The following LIFR variants were observed in gnomAD, a reference collection of about 807,000 sequenced individuals.
LIFR encodes leukemia inhibitory factor receptor.
Under a neutral mutation model 122.2 loss-of-function variants are expected in LIFR, and 84 were observed. The ratio of observed to expected loss-of-function variants is 0.69; its 90% CI spans 0.58 to 0.82. The LOEUF is 0.82. Among genes scored for constraint, LIFR ranks in the 40% least tolerant of loss-of-function variants. The probability of loss-of-function intolerance (pLI) is 0.00; values close to 1 mark genes in which losing one functional copy is unlikely to be tolerated. For synonymous variants in LIFR, 422 were observed against 434.7 expected (o/e 0.97, Z 0.36); for missense variants, 1,294 against 1,311.6 (o/e 0.99, Z 0.21).
intron 1 of LIFR, among the ~76,000 whole-genome samples, chr5:38,588,298 G>A (rs529607545): frequency 1.3e-5 from 2 of 152,278 alleles, no homozygotes; most frequent in Admixed American, 1.3e-4. Context: ...GGGCTACACA[G>A]TCAAGCAGGT....
intron 4 of LIFR, 111 bp downstream of exon 4, chr5:38,527,044 G>T: frequency 2.1e-6 from 2 of 965,052 alleles, no homozygotes; most frequent in Non-Finnish European, 3.0e-6. Flanking sequence ...GTTGCTGAGT[G>T]AATTAAAAGT....
At chr5:38,498,926 G>T (rs1745031598) in intron 12 of LIFR, among the ~76,000 whole-genome samples, 1 of 152,090 alleles carries the variant, frequency 6.6e-6, no homozygotes, top group African/African-American at 2.4e-5. Context: ...ACTATTTAAA[G>T]GAATCCTATT....
In LIFR at chr5:38,554,286, T is replaced by A. The variant is rs80301578; in HGVS notation, c.-20+2048A>T. ...ACAGCAAAGATGCCAAAGACTCTTA[T>A]GGATTACTGTGAAGTTATATAGAAG... On this transcript the variant is annotated intron_variant, in intron 1 of 19. Coordinates refer to ENST00000453190, the MANE Select transcript of LIFR (RefSeq NM_001127671.2). Among the ~76,000 whole-genome samples the A allele has an allele frequency of 3.9e-5, 6 of 152,334 alleles. 1 individual carries two copies. Among genetic ancestry groups the A allele is most frequent in the African/African-American group, 1.4e-4 (6 of 41,576 alleles).
chr5:38,599,567 A>G (rs1259492252), upstream of LIFR, among the ~76,000 whole-genome samples: 1 of 152,182 alleles, frequency 6.6e-6, no homozygotes, highest in African/African-American at 2.4e-5. Flanking sequence ...AGAGAGGGAT[A>G]AAAGTGTGGA....
upstream of LIFR, among the ~76,000 whole-genome samples, chr5:38,596,828 T>C (rs970908697): frequency 6.6e-6 from 1 of 152,274 alleles, no homozygotes; most frequent in South Asian, 2.1e-4. Context: ...TTTTTGGCGG[T>C]GACCTGTTCA....
chr5:38,590,271 C>T (rs141910179), intron 1 of LIFR, among the ~76,000 whole-genome samples: 7 of 152,252 alleles, frequency 4.6e-5, no homozygotes, highest in Non-Finnish European at 1.0e-4. Flanking sequence ...TGAAAATCCC[C>T]AGGGAGGACT....
At chr5:38,507,096 T>TA (rs1252780764) in intron 7 of LIFR, among the ~76,000 whole-genome samples, 11 of 152,284 alleles carry the variant, frequency 7.2e-5, no homozygotes, top group Non-Finnish European at 1.6e-4. Context: ...TAAAATACAT[T>TA]ATAAGTACTG....
intron 11 of LIFR, 27 bp downstream of exon 11, chr5:38,502,610 T>C: frequency 6.4e-7 from 1 of 1,564,684 alleles, no homozygotes; most frequent in Non-Finnish European, 8.8e-7. Flanking sequence ...CAGTAATTAT[T>C]AGCCATACAT....
intron 1 of LIFR, among the ~76,000 whole-genome samples, chr5:38,585,519 C>T (rs1749718993): frequency 6.6e-6 from 1 of 152,198 alleles, no homozygotes; most frequent in Non-Finnish European, 1.5e-5. Flanking sequence ...TCTCCATGTG[C>T]TTCCCATTAG....
At chr5:38,543,905 A>G (rs962047664) in intron 1 of LIFR, among the ~76,000 whole-genome samples, 1 of 152,096 alleles carries the variant, frequency 6.6e-6, no homozygotes, top group Non-Finnish European at 1.5e-5. Flanking sequence ...GGTGTCTTGA[A>G]CTATGTCCAA....
At chr5:38,570,896 CT>C (rs1270268936) in intron 1 of LIFR, among the ~76,000 whole-genome samples, 1 of 152,078 alleles carries the variant, frequency 6.6e-6, no homozygotes, top group African/African-American at 2.4e-5. Flanking sequence ...AATTAATTAC[CT>C]TTTCTCATGA....
At chr5:38,488,025 T>G (rs955367120) in intron 16 of LIFR, among the ~76,000 whole-genome samples, 4 of 152,354 alleles carry the variant, frequency 2.6e-5, no homozygotes, top group East Asian at 3.9e-4. Flanking sequence ...TGTGGCTTTA[T>G]TAGAGTTTGG....
At position 38,477,954 on chromosome 5, in the gene LIFR, CAA is replaced by C. The variant is rs796517933; in HGVS notation, c.*3639_*3640del. 16,487 of 212,408 alleles carry C rather than the reference CAA, an allele frequency of 0.078. 2,344 individuals carry two copies. The highest frequency in any genetic ancestry group is 0.32 in the African/African-American group (14,031 of 44,042). 13.2% of individuals were successfully genotyped at this position (212,408 alleles called of 1,614,324 possible). The stretch of plus-strand genomic sequence containing the variant: ...ATAGCAAAAATAACCTTAGAGCAAA[CAA>C]AAAATTTTATTAGATTATATACCTG... On this transcript the variant is annotated 3_prime_UTR_variant, in exon 20 of 20. Transcript: ENST00000453190.
At chr5:38,579,641 A>G (rs1308919612) in intron 1 of LIFR, 4 of 152,262 alleles carry the variant, frequency 2.6e-5, no homozygotes, top group African/African-American at 7.2e-5. Context: ...TCCAAACACC[A>G]TCTCAACATA....
At chr5:38,485,347 CAGGGGTAG>C (rs1176178798) in intron 17 of LIFR, among the ~76,000 whole-genome samples, 1 of 152,194 alleles carries the variant, frequency 6.6e-6, no homozygotes, top group Non-Finnish European at 1.5e-5. Flanking sequence ...AACTCCAACT[CAGGGGTAG>C]AGGATAAGCC....
upstream of LIFR, among the ~76,000 whole-genome samples, chr5:38,597,617 G>C (rs1186874027): frequency 2.0e-5 from 3 of 152,192 alleles, no homozygotes; most frequent in Non-Finnish European, 4.4e-5. Context: ...GCAGAGGCCA[G>C]GGATGCTGCT....
rs1008386854 is a variant in LIFR, at chr5:38,563,512, G to C, written c.-20+31749C>G. 4.6e-5 allele frequency among the ~76,000 whole-genome samples: 7 copies of C among 152,162 alleles called. No individual in the cohort carries two copies. In the East Asian group the frequency reaches 1.3e-3, roughly 29 times the overall value. On this transcript the variant is annotated intron_variant, in intron 1 of 19. Coordinates refer to the LIFR transcript ENST00000263409. ...GGTGAAGAGACCAAAGCTCAAAGGA[G>C]TAAAATAACAAAGATATGAATGCAC...
Position 38,534,843 on chromosome 5 carries a change from G to A in LIFR, c.-19-4177C>T, listed in dbSNP as rs113102199. On this transcript the variant is annotated intron_variant, in intron 1 of 19. Coordinates refer to ENST00000453190, the MANE Select transcript of LIFR (RefSeq NM_001127671.2). Reference sequence around the variant, plus strand: ...CGGGTGTACATGAGACACTGGGTGTGTGACCCATAAATATTCTTGAGAAGG... The same window carrying A: ...CGGGTGTACATGAGACACTGGGTGTATGACCCATAAATATTCTTGAGAAGG... 2.2e-3 allele frequency among the ~76,000 whole-genome samples: 328 copies of A among 152,294 alleles called. 1 individual carries two copies. The highest frequency in any genetic ancestry group is 7.5e-3 in the African/African-American group (311 of 41,538).
intron 11 of LIFR, among the ~76,000 whole-genome samples, chr5:38,500,348 A>G (rs1745113851): frequency 6.6e-6 from 1 of 152,216 alleles, no homozygotes; most frequent in Middle Eastern, 3.2e-3. Context: ...CTTGGGAGCA[A>G]AAGTGTTTCA....
Sources: allele counts gnomAD v4.1 joint callset (sites outside exome capture counted in the v4.1 genomes callset), GRCh38; gene constraint gnomAD v4.1.1; transcripts MANE v1.5; gene names NCBI Gene and HGNC (gene_info 2026-07-23, HGNC 2026-07-21).